The following DNAJC7 variants were observed in gnomAD, a reference collection of about 807,000 sequenced individuals.
DNAJC7 encodes the protein dnaJ homolog subfamily C member 7.
In DNAJC7, 18 loss-of-function variants were observed where a neutral mutation model predicts 67.4. That is an observed-to-expected ratio of 0.27 (90% CI 0.18 to 0.40). The LOEUF (loss-of-function observed/expected upper bound fraction) is 0.40, where lower values mean the gene tolerates loss of function less well. Among genes scored for constraint, DNAJC7 ranks in the 10% least tolerant of loss-of-function variants. The pLI is 1.00. For synonymous variants in DNAJC7, 220 were observed against 207.8 expected, an observed-to-expected ratio of 1.06 and a Z score of -0.50; for missense variants, 419 against 613.8, an observed-to-expected ratio of 0.68 and a Z score of 3.35.
rs1282220356 is a variant in DNAJC7, at chr17:42,003,080, CAAG to C, written c.78-2513_78-2511del. Among the ~76,000 whole-genome samples, 7 of 152,148 alleles carry C rather than the reference CAAG, an allele frequency of 4.6e-5. No homozygotes were observed. In the South Asian group the frequency reaches 8.3e-4, roughly 18 times the overall value. On this transcript the variant is annotated intron_variant, in intron 1 of 13. Coordinates refer to ENST00000457167, the MANE Select transcript of DNAJC7 (RefSeq NM_003315.4). ...TAGAGTCAGCCCACAGCAAAAAGAA[CAAG>C]AAGAATTGTGTTGTGACAAGTTGCC...
rs184359355 is a variant in DNAJC7, at chr17:41,983,644, G to A, written c.1011-8C>T. 1.1e-4 allele frequency: 183 copies of A among 1,597,524 alleles called. No individual in the cohort carries two copies. In the African/African-American group the frequency reaches 1.9e-3, roughly 16 times the overall value. On this transcript the variant is annotated splice_region_variant and splice_polypyrimidine_tract_variant and intron_variant, in intron 9 of 13. Coordinates refer to ENST00000457167, the MANE Select transcript of DNAJC7 (RefSeq NM_003315.4). ...TGTTCTGTGTCCATGTAACTGAGAA[G>A]GAAATACAAGGCAATACAGCACTAA...
intron 1 of DNAJC7, among the ~76,000 whole-genome samples, chr17:42,002,769 C>T (rs576937934): frequency 2.0e-5 from 3 of 152,170 alleles, no homozygotes; most frequent in African/African-American, 7.2e-5. Flanking sequence ...GTCTGTACTA[C>T]GAGGAGTAAG....
intron 1 of DNAJC7, chr17:42,013,426 T>G (rs1316835795): frequency 1.3e-5 from 2 of 152,248 alleles, no homozygotes; most frequent in African/African-American, 4.8e-5. Context: ...CCTATGGGAC[T>G]GTGACAACTT....
rs181730615 is a variant in DNAJC7, at chr17:42,002,067, T to G, written c.78-1497A>C. Among the ~76,000 whole-genome samples, 38 of 152,334 alleles carry G rather than the reference T, an allele frequency of 2.5e-4. No individual in the cohort carries two copies. The East Asian group carries it at 7.1e-3, about 29-fold the overall frequency. ...AGATTTAAAGAACCAACTGAAATCTTGCTACATGGTATTCACCATCCTGTA... is the reference window on the plus strand; with the variant it reads ...AGATTTAAAGAACCAACTGAAATCTGGCTACATGGTATTCACCATCCTGTA... On this transcript the variant is annotated intron_variant, in intron 1 of 13. Coordinates refer to ENST00000457167, the MANE Select transcript of DNAJC7 (RefSeq NM_003315.4).
intron 9 of DNAJC7, chr17:41,984,762 G>A (rs1330005261): frequency 6.6e-6 from 1 of 152,158 alleles, no homozygotes; most frequent in African/African-American, 2.4e-5. Context: ...AAGTGATCAT[G>A]CAGTACAGCT....
At chr17:42,000,365 T>C in intron 2 of DNAJC7, 117 bp downstream of exon 2, 1 of 684,822 alleles carries the variant, frequency 1.5e-6, no homozygotes, top group African/African-American at 1.8e-5. Context: ...GTGATCCTCC[T>C]GCTTTGGCCT....
intron 12 of DNAJC7, among the ~76,000 whole-genome samples, chr17:41,980,982 T>A (rs1202754386): frequency 6.6e-6 from 1 of 152,008 alleles, no homozygotes; most frequent in African/African-American, 2.4e-5. Context: ...TAGCACCCTA[T>A]CCCTTTATCT....
At chr17:42,012,685 A>G (rs1312308302) in intron 1 of DNAJC7, among the ~76,000 whole-genome samples, 1 of 152,232 alleles carries the variant, frequency 6.6e-6, no homozygotes, top group Non-Finnish European at 1.5e-5. Context: ...CTGAAGTTTA[A>G]CCCTCTGGCT....
In DNAJC7 at chr17:41,977,295, T is replaced by C. The variant is rs782623781; in HGVS notation, c.1413A>G (p.Ala471=). ...TGAAGCCGCCAGGACCGCCAAAGAA[T>C]GCCTTGAAGATATTGTTTGGATCAA... ...GDFDPNNIFK[A]FFGGPGGFSF... Residue 471 remains alanine (A), a synonymous_variant, in exon 13 of 14, where the codon GCA becomes GCG. Transcript: ENST00000457167. 2.5e-6 allele frequency: 4 copies of C among 1,585,202 alleles called. No individual in the cohort carries two copies. In the East Asian group the frequency reaches 9.2e-5, roughly 36 times the overall value.
intron 1 of DNAJC7, among the ~76,000 whole-genome samples, chr17:42,005,256 T>C (rs1447663909): frequency 6.6e-6 from 1 of 152,228 alleles, no homozygotes; most frequent in Non-Finnish European, 1.5e-5. Context: ...ATCAGACAAC[T>C]TGGGCTTATG....
chr17:41,990,205 G>A (rs782387263), intron 6 of DNAJC7, 59 bp downstream of exon 6: 45 of 1,467,000 alleles, frequency 3.1e-5, no homozygotes, highest in African/African-American at 2.3e-4. Flanking sequence ...TGAAGCTGCC[G>A]GACACCATCA....
intron 2 of DNAJC7, among the ~76,000 whole-genome samples, chr17:41,998,659 G>T (rs1224984954): frequency 6.6e-6 from 1 of 152,220 alleles, no homozygotes; most frequent in African/African-American, 2.4e-5. Flanking sequence ...AAATGTGCAT[G>T]TTGAGCTGGG....
chr17:41,976,733 T>C lies in DNAJC7; in HGVS notation c.1485A>G (p.Ter495=), dbSNP rs1555644898. 6.2e-7 allele frequency: 1 copy of C among 1,610,602 alleles called. No homozygotes were observed. The highest frequency in any genetic ancestry group is 1.7e-5 in the Admixed American group (1 of 58,454). The part of the protein sequence containing the change: ...GPGNFFFQFG[*] The stretch of plus-strand genomic sequence containing the variant: ...CTGGGTTCTGGGTGGTTGCCCTTCA[T>C]TAGCCAAATTGAAAAAAGAAATTCC... Residue 495 remains the stop codon, a stop_retained_variant, in exon 14 of 14, where the codon TAA becomes TAG. Coordinates refer to ENST00000457167, the MANE Select transcript of DNAJC7 (RefSeq NM_003315.4).
At chr17:41,993,537 C>A (rs1555648098) in intron 5 of DNAJC7, among the ~76,000 whole-genome samples, 3 of 152,114 alleles carry the variant, frequency 2.0e-5, no homozygotes, top group African/African-American at 7.2e-5. Flanking sequence ...AGCAAATTCC[C>A]ACATATGAAG....
intron 9 of DNAJC7, chr17:41,985,136 A>G (rs1555646576): frequency 2.0e-5 from 3 of 152,306 alleles, no homozygotes; most frequent in African/African-American, 7.2e-5. Flanking sequence ...GCATAAGCCC[A>G]TTTTCACAAA....
At chr17:42,010,624 C>T (rs1211911262) in intron 1 of DNAJC7, among the ~76,000 whole-genome samples, 2 of 152,038 alleles carry the variant, frequency 1.3e-5, no homozygotes, top group Non-Finnish European at 2.9e-5. Context: ...GTCTTGGTTC[C>T]TTAGTTCAAC....
chr17:41,987,916 GGA>G lies in DNAJC7; in HGVS notation c.919-8_919-7del, dbSNP rs781950694. 1.9e-6 allele frequency: 3 copies of G among 1,606,644 alleles called. No individual in the cohort carries two copies. Among genetic ancestry groups the G allele is most frequent in the Non-Finnish European group, 8.5e-7 (1 of 1,176,324 alleles). On this transcript the variant is annotated splice_polypyrimidine_tract_variant and splice_region_variant and intron_variant, in intron 8 of 13. Transcript: ENST00000457167. ...GCATCATCTAGTTTCCTAAGCTTCA[GGA>G]GAGAGAGAGCAATCATACTTCACAC...
chr17:42,000,703 T>G (rs1555649409), intron 1 of DNAJC7, 133 bp from the exon 2 acceptor site: 1 of 633,626 alleles, frequency 1.6e-6, no homozygotes, highest in South Asian at 2.3e-5. Context: ...GAAGGATTTA[T>G]AGATTTGTTG....
chr17:41,988,012 G>A, intron 8 of DNAJC7, 102 bp from the exon 9 acceptor site: 1 of 938,486 alleles, frequency 1.1e-6, no homozygotes, highest in Non-Finnish European at 1.6e-6. Context: ...CAGTCATGCT[G>A]GCCCCTTAAA....
Sources: gnomAD v4.1 joint callset for allele counts (sites outside exome capture counted in the v4.1 genomes callset) on GRCh38, gnomAD v4.1.1 for gene constraint, MANE v1.5 for transcripts, NCBI Gene and HGNC (gene_info 2026-07-23, HGNC 2026-07-21) for gene names.